UBXN8: variants seen among roughly 807,000 people sequenced by gnomAD.
The protein encoded by UBXN8 is UBX domain-containing protein 8.
Under a neutral mutation model 32.1 loss-of-function variants are expected in UBXN8, and 27 were observed. The observed-to-expected ratio is 0.84, with a 90% CI of 0.62 to 1.16. The LOEUF (loss-of-function observed/expected upper bound fraction) is 1.16. Among genes scored for constraint, UBXN8 ranks in the 50% most tolerant of loss-of-function variants. The pLI, the probability that UBXN8 is intolerant of heterozygous loss-of-function variation, is 0.00. For missense variants in UBXN8, 306 were observed against 311.4 expected (o/e 0.98, Z 0.13); for synonymous variants, 109 against 111.8 (o/e 0.98, Z 0.16).
chr8:30,742,130 T>G (rs146692079), upstream of UBXN8, among the ~76,000 whole-genome samples: 884 of 152,264 alleles, frequency 5.8e-3, 9 homozygotes, highest in African/African-American at 0.02. Context: ...TTATGCATGA[T>G]GAACACAAGA....
rs1806007978 is a variant in UBXN8, at chr8:30,766,385, G to C, written c.804G>C (p.Gln268His). The C allele has an allele frequency of 6.2e-7, 1 of 1,600,696 alleles. No individual in the cohort carries two copies. The highest frequency in any genetic ancestry group is 1.1e-5 in the South Asian group (1 of 89,494). ...TACTCATCCTGGAGGAGAAGGAGCA[G>C]ACCAACTAGGAAAGAAGGGAGAGCT... The part of the protein sequence containing the change: ...DTVLILEEKE[Q>H]TN Residue 268 changes from glutamine to histidine, a missense_variant, in exon 8 of 8, where the codon CAG (glutamine) becomes CAC (histidine). By Grantham distance (24) the Gln-to-His change is conservative. Transcript: ENST00000265616.
At chr8:30,764,865 C>G (rs746571485) in intron 7 of UBXN8, among the ~76,000 whole-genome samples, 1 of 152,062 alleles carries the variant, frequency 6.6e-6, no homozygotes. Context: ...TCCTGGCCAA[C>G]ATGGTGAAAC....
chr8:30,755,760 G>GAAAAAAAA (rs34287599), intron 4 of UBXN8, among the ~76,000 whole-genome samples: 7 of 88,916 alleles, frequency 7.9e-5, no homozygotes, highest in Admixed American at 1.5e-4. Flanking sequence ...CCTTTCTCCA[G>GAAAAAAAA]AAAAAAAAAA....
At position 30,753,048 on chromosome 8, in the gene UBXN8, G is replaced by C. The variant is rs1203419877; in HGVS notation, c.225G>C (p.Lys75Asn). Residue 75 changes from lysine (K) to asparagine (N), a missense_variant, in exon 3 of 8, where the codon AAG (lysine) becomes AAC (asparagine). Coordinates refer to ENST00000265616, the MANE Select transcript of UBXN8 (RefSeq NM_005671.4). Reference sequence around the variant, plus strand: ...TTGATGTCTTAGAAGAAGAAGAAAAGAATGAGAAAAGACAAAAACTTGTGA... The same window carrying C: ...TTGATGTCTTAGAAGAAGAAGAAAACAATGAGAAAAGACAAAAACTTGTGA... The part of the protein sequence containing the change: ...PQVYLKEEEE[K>N]NEKRQKLVRK... The C allele has an allele frequency of 1.3e-6, 2 of 1,527,480 alleles. No individual in the cohort carries two copies. Among genetic ancestry groups the C allele is most frequent in the Non-Finnish European group, 1.8e-6 (2 of 1,139,088 alleles). The allele number at this position is 1,527,480 out of a possible 1,614,324, so 94.6% of individuals were successfully genotyped here.
chr8:30,754,034 G>T (rs1016190418), intron 3 of UBXN8, among the ~76,000 whole-genome samples: 2 of 152,162 alleles, frequency 1.3e-5, no homozygotes, highest in African/African-American at 4.8e-5. Context: ...GAGGTCAAGA[G>T]ATCGAGACTA....
intron 7 of UBXN8, among the ~76,000 whole-genome samples, chr8:30,764,379 A>G (rs1239074991): frequency 6.6e-6 from 1 of 152,200 alleles, no homozygotes; most frequent in Non-Finnish European, 1.5e-5. Context: ...CATGTTGGCC[A>G]GGCTGGTCTC....
intron 7 of UBXN8, among the ~76,000 whole-genome samples, chr8:30,763,880 A>C (rs1805929253): frequency 6.6e-6 from 1 of 151,992 alleles, no homozygotes; most frequent in South Asian, 2.1e-4. Context: ...AATCCCACCT[A>C]CTCGGGAGGC....
At chr8:30,765,869 A>C (rs1466580170) in intron 7 of UBXN8, among the ~76,000 whole-genome samples, 1 of 151,562 alleles carries the variant, frequency 6.6e-6, no homozygotes, top group African/African-American at 2.4e-5. Context: ...TTAGCTGGGC[A>C]TGGTAGTGGG....
intron 1 of UBXN8, among the ~76,000 whole-genome samples, chr8:30,750,363 T>C (rs1375444746): frequency 6.6e-6 from 1 of 152,096 alleles, no homozygotes; most frequent in Non-Finnish European, 1.5e-5. Context: ...TCCCAGCTAC[T>C]TGGGGGCACT....
chr8:30,744,369 C>G (rs1805302570), intron 1 of UBXN8, 92 bp downstream of exon 1: 1 of 1,307,664 alleles, frequency 7.6e-7, no homozygotes, highest in Admixed American at 2.0e-5. Flanking sequence ...TGCGTGGCTT[C>G]GGAGCAGCTT....
intron 1 of UBXN8, 150 bp downstream of exon 1, chr8:30,744,427 G>T: frequency 1.4e-6 from 1 of 738,756 alleles, no homozygotes; most frequent in South Asian, 1.7e-5. Context: ...CACTTCCGGA[G>T]CTGACTTCAC....
rs1323845641 is a variant in UBXN8 at position 30,744,184 on chromosome 8, G to A, written c.-6G>A. On this transcript the variant is annotated 5_prime_UTR_variant, in exon 1 of 8. Transcript: ENST00000265616. ...CTTTCCGCCTGCACCAGGCGCTTCC[G>A]CCACCATGGCTTCACGTGGGGTTGT... The A allele has an allele frequency of 6.2e-7, 1 of 1,611,882 alleles. No individual in the cohort carries two copies. Among genetic ancestry groups the A allele is most frequent in the East Asian group, 2.2e-5 (1 of 44,854 alleles).
At chr8:30,744,405 C>A (rs1805303921) in intron 1 of UBXN8, 128 bp downstream of exon 1, 2 of 839,010 alleles carry the variant, frequency 2.4e-6, no homozygotes, top group Non-Finnish European at 3.8e-6. Flanking sequence ...GACTGCATCG[C>A]CCCTGCCCCC....
chr8:30,746,895 CA>C (rs1396335132), intron 1 of UBXN8, among the ~76,000 whole-genome samples: 2 of 138,888 alleles, frequency 1.4e-5, no homozygotes, highest in Admixed American at 7.2e-5. Context: ...TTTAAGTACA[CA>C]AAAAAATCCC....
At chr8:30,738,534 G>A (rs1161267086) in intron 1 of UBXN8, among the ~76,000 whole-genome samples, 2 of 150,668 alleles carry the variant, frequency 1.3e-5, no homozygotes, top group Non-Finnish European at 2.9e-5. Context: ...GGTGGCAGGC[G>A]CCTGTAGTCC....
intron 2 of UBXN8, 82 bp from the exon 3 acceptor site, chr8:30,752,953 C>G: frequency 1.4e-6 from 2 of 1,406,990 alleles, no homozygotes; most frequent in African/African-American, 2.9e-5. Context: ...TTTTTTCTTT[C>G]TTTTGATACA....
Position 30,766,376 on chromosome 8 carries a change from G to C in UBXN8, c.795G>C (p.Glu265Asp), listed in dbSNP as rs755785701. The C allele has an allele frequency of 6.2e-7, 1 of 1,607,210 alleles. No individual in the cohort carries two copies. Among genetic ancestry groups the C allele is most frequent in the South Asian group, 1.1e-5 (1 of 90,234 alleles). Residue 265 changes from glutamate (E) to aspartate (D), a missense_variant, in exon 8 of 8, where the codon GAG becomes GAC. Coordinates refer to ENST00000265616, the MANE Select transcript of UBXN8 (RefSeq NM_005671.4). ...ITVDTVLILEEKEQTN is the reference protein window; with the variant it reads ...ITVDTVLILEDKEQTN The stretch of plus-strand genomic sequence containing the variant: ...TGGACACTGTACTCATCCTGGAGGA[G>C]AAGGAGCAGACCAACTAGGAAAGAA...
chr8:30,748,179 G>A (rs1246623740), intron 1 of UBXN8, among the ~76,000 whole-genome samples: 3 of 150,492 alleles, frequency 2.0e-5, no homozygotes, highest in Admixed American at 1.3e-4. Context: ...AGGCTGGAGC[G>A]CAGTGGTGCA....
chr8:30,759,115 G>C (rs1019882481), intron 5 of UBXN8, among the ~76,000 whole-genome samples: 3 of 150,994 alleles, frequency 2.0e-5, no homozygotes, highest in Non-Finnish European at 4.4e-5. Flanking sequence ...GGATGGTCTC[G>C]ATCTCCTGAC....
Sources: gnomAD v4.1 joint callset for allele counts (sites outside exome capture counted in the v4.1 genomes callset) on GRCh38, gnomAD v4.1.1 for gene constraint, MANE v1.5 for transcripts, NCBI Gene and HGNC (gene_info 2026-07-23, HGNC 2026-07-21) for gene names.